The following EFHC2 variants were observed in gnomAD, a reference collection of about 807,000 sequenced individuals.
EFHC2 encodes the protein EF-hand domain-containing family member C2.
Under a neutral mutation model 52.7 loss-of-function variants are expected in EFHC2, and 18 were observed. The ratio of observed to expected loss-of-function variants is 0.34; its 90% CI spans 0.24 to 0.51. The LOEUF is 0.51. Among genes scored for constraint, EFHC2 ranks in the 20% least tolerant of loss-of-function variants. The pLI, the probability that EFHC2 is intolerant of heterozygous loss-of-function variation, is 0.97. For missense variants in EFHC2, 513 were observed against 562.5 expected, an observed-to-expected ratio of 0.91 and a Z score of 0.89; for synonymous variants, 203 against 204.1, an observed-to-expected ratio of 0.99 and a Z score of 0.04.
At chrX:44,300,198 T>C (rs1300355705) in intron 2 of EFHC2, among the ~76,000 whole-genome samples, 2 of 111,920 alleles carry the variant, frequency 1.8e-5, no homozygotes, top group Non-Finnish European at 3.8e-5. Flanking sequence ...TAAATCAGCC[T>C]AAAATTTAAG....
At chrX:44,207,554 A>G (rs1019254845) in intron 11 of EFHC2, among the ~76,000 whole-genome samples, 1 of 112,300 alleles carries the variant, frequency 8.9e-6, no homozygotes, top group Admixed American at 9.4e-5. Context: ...ACCTAAAACT[A>G]TGAAAACCTA....
At chrX:44,259,741 T>A (rs375291704) in intron 4 of EFHC2, among the ~76,000 whole-genome samples, 4 of 111,617 alleles carry the variant, frequency 3.6e-5, no homozygotes, top group East Asian at 5.6e-4. Context: ...GGTTCTAAAT[T>A]CTTTCTATTT....
At chrX:44,152,293 G>A (rs1479673801) in intron 14 of EFHC2, among the ~76,000 whole-genome samples, 4 of 111,288 alleles carry the variant, frequency 3.6e-5, no homozygotes, top group Non-Finnish European at 7.5e-5. Context: ...GACACAGAAG[G>A]ATTAAATAGA....
chrX:44,330,982 A>G (rs746852706), intron 1 of EFHC2, among the ~76,000 whole-genome samples: 1 of 112,444 alleles, frequency 8.9e-6, no homozygotes, highest in Non-Finnish European at 1.9e-5. Context: ...TTGTCTTTTT[A>G]TAAAATTAAA....
intron 2 of EFHC2, among the ~76,000 whole-genome samples, chrX:44,274,910 A>T (rs1369332602): frequency 9.0e-6 from 1 of 111,169 alleles, no homozygotes; most frequent in East Asian, 2.8e-4. Flanking sequence ...AATTTTTTTT[A>T]AAAAAGGAGG....
intron 14 of EFHC2, among the ~76,000 whole-genome samples, chrX:44,158,245 C>T (rs1355082631): frequency 9.0e-6 from 1 of 111,629 alleles, no homozygotes; most frequent in African/African-American, 3.3e-5. Flanking sequence ...TTTCATCAGC[C>T]AATAAGTTTT....
At chrX:44,226,843 G>A (rs1184741942) in intron 11 of EFHC2, among the ~76,000 whole-genome samples, 1 of 107,084 alleles carries the variant, frequency 9.3e-6, no homozygotes, top group African/African-American at 3.4e-5. Flanking sequence ...TGTATACCTA[G>A]GTAACAAACC....
At chrX:44,222,848 C>T (rs1334700902) in intron 11 of EFHC2, among the ~76,000 whole-genome samples, 3 of 111,664 alleles carry the variant, frequency 2.7e-5, no homozygotes. Flanking sequence ...GTAATTAACT[C>T]AAGCTAACTC....
chrX:44,226,997 G>A (rs1258287160), intron 11 of EFHC2, among the ~76,000 whole-genome samples: 12 of 109,753 alleles, frequency 1.1e-4, no homozygotes, highest in African/African-American at 4.0e-4. Context: ...TTATCTCAGA[G>A]AATTATTTCA....
At chrX:44,233,381 G>A (rs2037294528) in intron 9 of EFHC2, among the ~76,000 whole-genome samples, 1 of 111,898 alleles carries the variant, frequency 8.9e-6, no homozygotes, top group Non-Finnish European at 1.9e-5. Context: ...GCTTCTTTTA[G>A]TAATGCCTCA....
intron 11 of EFHC2, among the ~76,000 whole-genome samples, chrX:44,210,095 A>T (rs1376495201): frequency 9.0e-6 from 1 of 111,127 alleles, no homozygotes; most frequent in African/African-American, 3.3e-5. Context: ...ACCATCTCCC[A>T]GCCATGACAC....
chrX:44,273,515 CTG>C (rs1304338606), intron 2 of EFHC2, among the ~76,000 whole-genome samples: 1 of 112,416 alleles, frequency 8.9e-6, no homozygotes, highest in African/African-American at 3.2e-5. Context: ...CTTTAGAAAA[CTG>C]TGCCTCTCAG....
intron 1 of EFHC2, among the ~76,000 whole-genome samples, chrX:44,339,000 G>C (rs2038135284): frequency 9.0e-6 from 1 of 110,876 alleles, no homozygotes; most frequent in African/African-American, 3.3e-5. Flanking sequence ...AGACCAGCCT[G>C]ATCAACATGG....
In EFHC2 at chrX:44,302,771, A is replaced by G. The variant is rs748720151; in HGVS notation, c.231+9797T>C. 1.0e-3 allele frequency among the ~76,000 whole-genome samples: 117 copies of G among 112,403 alleles called. 2 individuals carry two copies. In the Admixed American group the frequency reaches 0.011, roughly 11 times the overall value. On this transcript the variant is annotated intron_variant, in intron 2 of 14. Transcript: ENST00000420999. ...TATACATGTTGGTGTCTTTTATGAC[A>G]TGGTAATAGCAAGAGTCAGATAATC...
intron 3 of EFHC2, among the ~76,000 whole-genome samples, chrX:44,269,580 C>T (rs2037602544): frequency 9.0e-6 from 1 of 110,548 alleles, no homozygotes; most frequent in South Asian, 3.9e-4. Flanking sequence ...TCTGGCATCC[C>T]CTCCTTTCTC....
intron 5 of EFHC2, 84 bp downstream of exon 5, chrX:44,250,110 T>C: frequency 9.2e-7 from 1 of 1,084,312 alleles, no homozygotes; most frequent in Non-Finnish European, 1.2e-6. Context: ...ACTATCATCA[T>C]ATAGTCATAA....
chrX:44,338,594 C>T (rs112596550), intron 1 of EFHC2, among the ~76,000 whole-genome samples: 5,081 of 109,617 alleles, frequency 0.046, 304 homozygotes, highest in African/African-American at 0.16. Context: ...TATTTTAGTG[C>T]AGGCCAGTTC....
rs2037931810 is a variant in EFHC2 at position 44,309,712 on chromosome X, G to C, written c.231+2856C>G. ...TCTGCTAATAAGTTCATTGGAAAAC[G>C]TGAGGCCAGGCATCGGTCCTCGTTT... On this transcript the variant is annotated intron_variant, in intron 2 of 14. Transcript: ENST00000420999. The C allele has an allele frequency of 2.7e-5, 27 of 993,874 alleles. No homozygotes were observed. The South Asian group carries it at 3.3e-4, about 12-fold the overall frequency. The allele number at this position is 993,874 out of a possible 1,213,427, so 81.9% of individuals were successfully genotyped here.
intron 11 of EFHC2, among the ~76,000 whole-genome samples, chrX:44,209,257 A>G (rs2037076160): frequency 9.0e-6 from 1 of 111,429 alleles, no homozygotes; most frequent in Non-Finnish European, 1.9e-5. Context: ...AGATGGACAA[A>G]TTCAAGTATA....
Sources: gnomAD v4.1 joint callset for allele counts (sites outside exome capture counted in the v4.1 genomes callset) on GRCh38, gnomAD v4.1.1 for gene constraint, MANE v1.5 for transcripts, NCBI Gene and HGNC (gene_info 2026-07-23, HGNC 2026-07-21) for gene names.